NCOR2: variants seen among roughly 807,000 people sequenced by gnomAD.
NCOR2 encodes the protein nuclear receptor corepressor 2, also known as CTG repeat protein 26.
In NCOR2, 81 loss-of-function variants were observed where a neutral mutation model predicts 262.9. That is an observed-to-expected ratio of 0.31 (90% confidence interval 0.26 to 0.37). The LOEUF is 0.37. Ranked by LOEUF, NCOR2 falls within the 10% of genes least tolerant of loss-of-function variation. The pLI is 1.00. For missense variants in NCOR2, 3,385 were observed against 3,621.4 expected (o/e 0.93, Z 1.68); for synonymous variants, 1,659 against 1,559.3 (o/e 1.06, Z -1.51).
At chr12:124,340,261 C>T in intron 36 of NCOR2, 33 bp downstream of exon 38, 1 of 1,606,830 alleles carries the variant, frequency 6.2e-7, no homozygotes, top group Non-Finnish European at 8.5e-7. Context: ...ACAAGGAGTC[C>T]CGGAGCGGGG....
chr12:124,336,503 A>G (rs2035918686), intron 38 of NCOR2: 1 of 1,017,744 alleles, frequency 9.8e-7, no homozygotes, highest in Non-Finnish European at 1.3e-6. Context: ...AGCGCGTGCA[A>G]ACCGGCGAGG....
exon 22 of NCOR2, chr12:124,362,196 G>A (rs752115943): frequency 1.9e-5 from 25 of 1,310,618 alleles, no homozygotes; most frequent in Middle Eastern, 4.7e-4. Flanking sequence ...GCTGAGGGGC[G>A]TCGCTCTCCG....
At chr12:124,479,574 C>T (rs1033460509) in intron 3 of NCOR2, among the ~76,000 whole-genome samples, 2 of 152,130 alleles carry the variant, frequency 1.3e-5, no homozygotes, top group African/African-American at 4.8e-5. Flanking sequence ...CACACGCACG[C>T]GCGCGCGCAT....
intron 20 of NCOR2, among the ~76,000 whole-genome samples, chr12:124,368,881 G>A (rs915466139): frequency 2.0e-5 from 3 of 152,276 alleles, no homozygotes; most frequent in African/African-American, 7.2e-5. Flanking sequence ...GGCGCCTGGC[G>A]CATGCTGGTG....
Position 124,378,426 on chromosome 12 carries a change from C to T in NCOR2, c.2020-42G>A, listed in dbSNP as rs201159643. 159 of 1,567,272 alleles carry T rather than the reference C, an allele frequency of 1.0e-4. No individual in the cohort carries two copies. The East Asian group carries it at 3.6e-3, about 36-fold the overall frequency. ...CAGCAGATCAGGACTGGGGCCTGGG[C>T]TGTCAGCTCGGGGACTCCCCATGCC... is the stretch of plus-strand genomic sequence containing the variant. On this transcript the variant is annotated intron_variant, in intron 17 of 46. Transcript: ENST00000405201. This position sits in a 1 kb window ranked among gnomAD's most constrained non-coding sequence, Gnocchi z 4.2.
At chr12:124,398,170 G>C in exon 16 of NCOR2, 2 of 1,614,238 alleles carry the variant, frequency 1.2e-6, no homozygotes, top group South Asian at 1.1e-5. Flanking sequence ...CTCTCATTCA[G>C]CTCCATGGAG....
intron 1 of NCOR2, among the ~76,000 whole-genome samples, chr12:124,543,543 G>A (rs1000094042): frequency 6.6e-6 from 1 of 152,198 alleles, no homozygotes; most frequent in Non-Finnish European, 1.5e-5. Flanking sequence ...TCTCCACCCC[G>A]ACAGCGCCGT....
At chr12:124,543,156 A>C (rs776643406) in intron 1 of NCOR2, among the ~76,000 whole-genome samples, 7 of 152,170 alleles carry the variant, frequency 4.6e-5, no homozygotes, top group African/African-American at 7.2e-5. Context: ...GTGAGTGATC[A>C]GGGCCTGCAA....
intron 16 of NCOR2, among the ~76,000 whole-genome samples, chr12:124,397,668 A>G (rs1453015180): frequency 6.6e-6 from 1 of 152,040 alleles, no homozygotes; most frequent in Non-Finnish European, 1.5e-5. Flanking sequence ...CCAGGATAGG[A>G]CCTTTGGGGC....
exon 47 of NCOR2, chr12:124,325,391 C>CCCCCCCCCCCCAAA: frequency 8.9e-7 from 1 of 1,128,216 alleles, no homozygotes; most frequent in Non-Finnish European, 1.1e-6. Flanking sequence ...CCCCCCCCGC[C>CCCCCCCCCCCCAAA]CTGTTCTGAG....
chr12:124,530,950 A>G (rs1049653413), intron 1 of NCOR2, among the ~76,000 whole-genome samples: 3 of 152,156 alleles, frequency 2.0e-5, no homozygotes, highest in Admixed American at 6.5e-5. Flanking sequence ...CCCACCAGAC[A>G]AGGCTCTGGG....
chr12:124,354,508 G>C (rs766608358), exon 26 of NCOR2: 1 of 1,587,476 alleles, frequency 6.3e-7, no homozygotes, highest in Admixed American at 1.8e-5. Flanking sequence ...TGGGCTGTGG[G>C]CACCCCCAGG....
chr12:124,394,954 G>A (rs2041552855), intron 16 of NCOR2, among the ~76,000 whole-genome samples: 1 of 152,138 alleles, frequency 6.6e-6, no homozygotes, highest in Non-Finnish European at 1.5e-5. Context: ...GTTGAGACCT[G>A]GTTTCTCCCT....
upstream of NCOR2, chr12:124,535,704 C>T (rs58217600): frequency 0.061 from 9,282 of 152,294 alleles, 426 homozygotes; most frequent in East Asian, 0.17. Context: ...CCATGTCTGC[C>T]GTCAGGGCCC....
chr12:124,413,191 C>A (rs547804594), intron 13 of NCOR2, among the ~76,000 whole-genome samples: 4 of 152,328 alleles, frequency 2.6e-5, no homozygotes, highest in African/African-American at 9.6e-5. Flanking sequence ...AGGAAACCCA[C>A]AGGAGGCACG....
At chr12:124,494,515 A>C (rs1203237369) in intron 1 of NCOR2, among the ~76,000 whole-genome samples, 1 of 152,202 alleles carries the variant, frequency 6.6e-6, no homozygotes, top group Non-Finnish European at 1.5e-5. Flanking sequence ...GGTGCGGCTT[A>C]GGAGACCCGA....
intron 33 of NCOR2, among the ~76,000 whole-genome samples, chr12:124,342,401 G>C (rs58918660): frequency 0.14 from 21,338 of 151,772 alleles, 2,318 homozygotes; most frequent in East Asian, 0.38. Context: ...AAGGAGTCTC[G>C]CTCTGTCGCC....
rs951839776 is a variant in NCOR2, at chr12:124,335,123, A to G, written c.6411+12T>C. ...CAAAGGTGACAAGCAGCAGCAGAGA[A>G]CGCGTAGTTACACTGATGTGCTGGG... is the stretch of plus-strand genomic sequence containing the variant. On this transcript the variant is annotated intron_variant, in intron 40 of 46. Transcript: ENST00000405201. 2 of 1,612,302 alleles carry G rather than the reference A, an allele frequency of 1.2e-6. No homozygotes were observed. The highest frequency in any genetic ancestry group is 1.8e-4 in the Middle Eastern group (1 of 5,662).
rs1011089445 is a variant in NCOR2 at position 124,548,298 on chromosome 12, G to A, written c.-164-12687C>T. On this transcript the variant is annotated intron_variant, in intron 1 of 32. Transcript: ENST00000458234. The surrounding 1 kb of genome is among the most constrained non-coding windows in gnomAD (Gnocchi z 5.1). ...GGTCGGTGAGGGCTGAGGAGCTCCCGGGTGGCCTCTGAATTTATTCTCAGA... is the reference window on the plus strand; with the variant it reads ...GGTCGGTGAGGGCTGAGGAGCTCCCAGGTGGCCTCTGAATTTATTCTCAGA... Among the ~76,000 whole-genome samples, 10 of 152,176 alleles carry A rather than the reference G, an allele frequency of 6.6e-5. No homozygotes were observed. The highest frequency in any genetic ancestry group is 1.9e-4 in the East Asian group (1 of 5,194).
Sources: gnomAD v4.1 joint callset for allele counts (sites outside exome capture counted in the v4.1 genomes callset) on GRCh38, gnomAD v4.1.1 for gene constraint, Gnocchi (gnomAD v3.1) non-coding constraint, MANE v1.5 for transcripts, NCBI Gene and HGNC (gene_info 2026-07-23, HGNC 2026-07-21) for gene names.